Variants in GRID1 observed in about 807,000 individuals in gnomAD.
GRID1 encodes the protein glutamate receptor ionotropic, delta-1.
Under a neutral mutation model 98.0 loss-of-function variants are expected in GRID1, and 28 were observed. The observed-to-expected ratio is 0.29, with a 90% CI of 0.21 to 0.39. The LOEUF (loss-of-function observed/expected upper bound fraction) is 0.39. GRID1 is among the 10% of genes least tolerant of loss of function. The pLI is 1.00. For missense variants in GRID1, 1,111 were observed against 1,340.5 expected, an observed-to-expected ratio of 0.83 and a Z score of 2.67; for synonymous variants, 553 against 538.5, an observed-to-expected ratio of 1.03 and a Z score of -0.37.
chr10:86,210,284 G>C (rs956633467), intron 2 of GRID1, among the ~76,000 whole-genome samples: 2 of 152,200 alleles, frequency 1.3e-5, no homozygotes, highest in Admixed American at 6.5e-5. Flanking sequence ...ACCAGGGGTG[G>C]TGGGAAGAGC....
intron 2 of GRID1, among the ~76,000 whole-genome samples, chr10:86,339,207 TCTC>T (rs1848274181): frequency 6.6e-6 from 1 of 152,150 alleles, no homozygotes; most frequent in African/African-American, 2.4e-5. Context: ...CACCTGGACA[TCTC>T]CTAGGAGCCT....
intron 8 of GRID1, among the ~76,000 whole-genome samples, chr10:85,825,996 A>G (rs1590250674): frequency 6.6e-6 from 1 of 152,198 alleles, no homozygotes; most frequent in African/African-American, 2.4e-5. Context: ...CATAAACCCA[A>G]ATAAATCAGT....
chr10:86,065,481 C>T (rs1370693295), intron 4 of GRID1, among the ~76,000 whole-genome samples: 2 of 152,246 alleles, frequency 1.3e-5, no homozygotes, highest in Non-Finnish European at 1.5e-5. Flanking sequence ...GGGCCAGCTC[C>T]CAGCCACATG....
Position 85,602,206 on chromosome 10 carries a change from T to C in GRID1, c.*67A>G. On this transcript the variant is annotated 3_prime_UTR_variant, in exon 16 of 16. Transcript: ENST00000327946. ...GAGTGTGTGTGGTTTGTGTTGTTGT[T>C]TTCTTGTATTAAAAAGCTCTGCTGG... 1.0e-6 allele frequency: 1 copy of C among 978,570 alleles called. No individual in the cohort carries two copies. Among genetic ancestry groups the C allele is most frequent in the Non-Finnish European group, 1.5e-6 (1 of 671,468 alleles). 60.6% of individuals were successfully genotyped at this position (978,570 alleles called of 1,614,324 possible). A position where few individuals can be genotyped will look rare whatever the true frequency, so the allele number is the denominator to read the frequency against.
chr10:85,690,872 GAC>G (rs113101674), intron 12 of GRID1, among the ~76,000 whole-genome samples: 20 of 150,190 alleles, frequency 1.3e-4, no homozygotes, highest in African/African-American at 3.4e-4. Context: ...CAGCAGTGCA[GAC>G]ACACACACAC....
At chr10:85,714,725 T>C (rs551537591) in intron 12 of GRID1, among the ~76,000 whole-genome samples, 1 of 152,118 alleles carries the variant, frequency 6.6e-6, no homozygotes, top group East Asian at 1.9e-4. Context: ...CTATAAAACA[T>C]TGGTGAAAAA....
At chr10:85,809,978 G>C (rs1439518104) in intron 8 of GRID1, among the ~76,000 whole-genome samples, 2 of 152,220 alleles carry the variant, frequency 1.3e-5, no homozygotes, top group Non-Finnish European at 2.9e-5. Context: ...CACTGGATTA[G>C]GAGCACAAGT....
chr10:86,123,409 G>A (rs1441381170), intron 4 of GRID1, among the ~76,000 whole-genome samples: 1 of 152,176 alleles, frequency 6.6e-6, no homozygotes, highest in Non-Finnish European at 1.5e-5. Flanking sequence ...GTGGAGGTAG[G>A]GGCATCACAC....
chr10:86,283,366 C>A (rs1847382226), intron 2 of GRID1, among the ~76,000 whole-genome samples: 1 of 152,188 alleles, frequency 6.6e-6, no homozygotes, highest in African/African-American at 2.4e-5. Context: ...CATTCAGCTC[C>A]CCACATGTGG....
chr10:86,226,466 C>CAT (rs1846349234), intron 2 of GRID1, among the ~76,000 whole-genome samples: 1 of 28,082 alleles, frequency 3.6e-5, no homozygotes, highest in African/African-American at 1.4e-4. Flanking sequence ...CCCACCCCAG[C>CAT]ACACCCTCCC....
Position 85,806,979 on chromosome 10 carries a change from A to G in GRID1, c.1233+47517T>C, listed in dbSNP as rs1219249934. Among the ~76,000 whole-genome samples, 5 of 152,296 alleles carry G rather than the reference A, an allele frequency of 3.3e-5. No homozygotes were observed. The East Asian group carries it at 9.6e-4, about 29-fold the overall frequency. On this transcript the variant is annotated intron_variant, in intron 8 of 15. Coordinates refer to ENST00000327946, the MANE Select transcript of GRID1 (RefSeq NM_017551.3). ...TAAACTTTACAAAATGTAAGAATAT[A>G]TATTTTACCTTGGATTCAGACAAAT...
At chr10:86,012,128 T>A (rs1001422596) in intron 4 of GRID1, among the ~76,000 whole-genome samples, 8 of 151,892 alleles carry the variant, frequency 5.3e-5, no homozygotes, top group Admixed American at 3.9e-4. Context: ...CCTCAAAAAA[T>A]AAATAAATAA....
intron 2 of GRID1, among the ~76,000 whole-genome samples, chr10:86,353,323 C>T (rs1158792959): frequency 6.6e-6 from 1 of 152,236 alleles, no homozygotes; most frequent in East Asian, 1.9e-4. Flanking sequence ...AGGGGGCCAG[C>T]GGAGCTCTGA....
In GRID1 at chr10:85,737,673, T is replaced by TATATATATATATATATATATAA. The variant is rs1342754070; in HGVS notation, c.1234-8060_1234-8059insTTATATATATATATATATATAT. ...ATATATATATATATATATATATATA[T>TATATATATATATATATATATAA]AAACATATATGGTTATATATATATA... On this transcript the variant is annotated intron_variant, in intron 8 of 15. Transcript: ENST00000327946. Among the ~76,000 whole-genome samples, 476 of 112,800 alleles carry TATATATATATATATATATATAA rather than the reference T, an allele frequency of 4.2e-3. 20 individuals are homozygous for TATATATATATATATATATATAA. Among genetic ancestry groups the TATATATATATATATATATATAA allele is most frequent in the Middle Eastern group, 0.011 (2 of 174 alleles). 74.0% of individuals were successfully genotyped at this position (112,800 alleles called of 152,430 possible).
At chr10:85,725,751 A>G (rs1198991672) in intron 10 of GRID1, among the ~76,000 whole-genome samples, 3 of 152,198 alleles carry the variant, frequency 2.0e-5, no homozygotes, top group Admixed American at 1.3e-4. Context: ...TTCAAGGTTT[A>G]ATATGTAGGC....
intron 4 of GRID1, among the ~76,000 whole-genome samples, chr10:85,976,387 G>A (rs1320400994): frequency 1.3e-5 from 2 of 152,206 alleles, no homozygotes; most frequent in African/African-American, 4.8e-5. Context: ...CTGCCCCCAG[G>A]GAGTGGGGAT....
intron 2 of GRID1, among the ~76,000 whole-genome samples, chr10:86,312,353 G>T (rs2132089190): frequency 2.0e-5 from 3 of 152,294 alleles, no homozygotes; most frequent in East Asian, 3.9e-4. Context: ...TTCTTTGCTG[G>T]AGCTAATGAC....
At chr10:85,643,148 T>A (rs1453171889) in intron 13 of GRID1, among the ~76,000 whole-genome samples, 1 of 152,170 alleles carries the variant, frequency 6.6e-6, no homozygotes, top group Non-Finnish European at 1.5e-5. Flanking sequence ...ATTGCTCCAC[T>A]ACCAAACACT....
chr10:86,203,111 G>A (rs1321221611), intron 3 of GRID1, among the ~76,000 whole-genome samples: 2 of 152,186 alleles, frequency 1.3e-5, no homozygotes, highest in African/African-American at 4.8e-5. Context: ...TGGCTAGAAT[G>A]AAGTAAAATA....
Sources: gnomAD v4.1 joint callset for allele counts (sites outside exome capture counted in the v4.1 genomes callset) on GRCh38, gnomAD v4.1.1 for gene constraint, MANE v1.5 for transcripts, NCBI Gene and HGNC (gene_info 2026-07-23, HGNC 2026-07-21) for gene names.